FAM83B: variants seen among roughly 807,000 people sequenced by gnomAD.
FAM83B encodes protein FAM83B.
Under a neutral mutation model 38.8 loss-of-function variants are expected in FAM83B, and 26 were observed. The observed-to-expected ratio is 0.67, with a 90% CI of 0.49 to 0.93. The LOEUF (loss-of-function observed/expected upper bound fraction) is 0.93, where lower values mean the gene tolerates loss of function less well. Ranked by LOEUF, FAM83B falls within the 40% of genes least tolerant of loss-of-function variation. FAM83B has a pLI of 0.00. For missense variants in FAM83B, 1,237 were observed against 1,197.3 expected, an observed-to-expected ratio of 1.03 and a Z score of -0.49; for synonymous variants, 419 against 423.1, an observed-to-expected ratio of 0.99 and a Z score of 0.12.
chr6:54,898,802 C>T (rs1292082409), intron 2 of FAM83B, among the ~76,000 whole-genome samples: 1 of 152,036 alleles, frequency 6.6e-6, no homozygotes, highest in Non-Finnish European at 1.5e-5. Flanking sequence ...ATTCGCAGTG[C>T]CACATGCTCT....
At chr6:54,867,026 G>A (rs1039786901) in intron 1 of FAM83B, among the ~76,000 whole-genome samples, 2 of 150,708 alleles carry the variant, frequency 1.3e-5, no homozygotes, top group African/African-American at 2.4e-5. Context: ...TCTGGAATGA[G>A]TCATTTAACT....
At chr6:54,919,260 C>T (rs1363503631) in intron 2 of FAM83B, among the ~76,000 whole-genome samples, 3 of 152,008 alleles carry the variant, frequency 2.0e-5, no homozygotes, top group Admixed American at 2.0e-4. Context: ...TGCCTACTTG[C>T]ACAGAGCTGA....
chr6:54,884,929 C>T (rs1171275071), intron 2 of FAM83B, among the ~76,000 whole-genome samples: 1 of 152,026 alleles, frequency 6.6e-6, no homozygotes, highest in Non-Finnish European at 1.5e-5. Flanking sequence ...CCCGCCACCA[C>T]GCCCGGCTAA....
chr6:54,920,266 AT>A (rs1323672770), intron 2 of FAM83B, among the ~76,000 whole-genome samples: 1 of 151,566 alleles, frequency 6.6e-6, no homozygotes, highest in Non-Finnish European at 1.5e-5. Context: ...TTTATCTGTT[AT>A]TTAATTCTTA....
chr6:54,941,854 A>G lies in FAM83B; in HGVS notation c.2883A>G (p.Pro961=), dbSNP rs1773709548. 6.2e-7 allele frequency: 1 copy of G among 1,613,876 alleles called. No individual in the cohort carries two copies. Residue 961 remains proline, a synonymous_variant, in exon 5 of 5, where the codon CCA becomes CCG. Coordinates refer to ENST00000306858, the MANE Select transcript of FAM83B (RefSeq NM_001010872.3). ...TGCCAAATACCAGTATAAATCGCCC[A>G]GAAATAAAATCTGCGACTATGGGCA... is the stretch of plus-strand genomic sequence containing the variant. ...SNMPNTSINR[P]EIKSATMGNS... is the part of the protein sequence containing the mutation.
intron 2 of FAM83B, among the ~76,000 whole-genome samples, chr6:54,888,270 T>A (rs1314845711): frequency 6.6e-6 from 1 of 151,842 alleles, no homozygotes; most frequent in African/African-American, 2.4e-5. Context: ...CCAAAATATT[T>A]TTATTATTGT....
At chr6:54,865,282 G>C (rs1771672596) in intron 1 of FAM83B, among the ~76,000 whole-genome samples, 1 of 152,090 alleles carries the variant, frequency 6.6e-6, no homozygotes, top group Non-Finnish European at 1.5e-5. Flanking sequence ...TGTTCTTGTA[G>C]GCAATTCTTG....
At chr6:54,894,689 T>A (rs1204304842) in intron 2 of FAM83B, among the ~76,000 whole-genome samples, 2 of 152,156 alleles carry the variant, frequency 1.3e-5, no homozygotes, top group African/African-American at 4.8e-5. Context: ...CTACTTAAGT[T>A]TTTTTGTGTA....
chr6:54,881,245 T>C (rs2127577845), intron 2 of FAM83B, among the ~76,000 whole-genome samples: 1 of 152,304 alleles, frequency 6.6e-6, no homozygotes, highest in South Asian at 2.1e-4. Context: ...CTCCACCCAT[T>C]TCTTACTCAT....
intron 3 of FAM83B, 61 bp from the exon 4 acceptor site, chr6:54,927,447 G>A (rs1329951885): frequency 2.2e-5 from 30 of 1,351,676 alleles, no homozygotes; most frequent in Non-Finnish European, 2.9e-5. Flanking sequence ...TATGGATTTT[G>A]GTTTTCAAAA....
At chr6:54,857,188 G>A (rs1771465013) in intron 1 of FAM83B, among the ~76,000 whole-genome samples, 1 of 152,118 alleles carries the variant, frequency 6.6e-6, no homozygotes, top group South Asian at 2.1e-4. Flanking sequence ...ATGTATTTGG[G>A]AAGCTGTTTT....
intron 1 of FAM83B, among the ~76,000 whole-genome samples, chr6:54,849,845 G>C (rs1771230834): frequency 6.6e-6 from 1 of 151,926 alleles, no homozygotes; most frequent in Non-Finnish European, 1.5e-5. Flanking sequence ...AATTAGTCAT[G>C]GTCAGCCTCT....
chr6:54,916,358 T>C (rs771306886), intron 2 of FAM83B, among the ~76,000 whole-genome samples: 27 of 152,088 alleles, frequency 1.8e-4, no homozygotes, highest in Non-Finnish European at 3.5e-4. Flanking sequence ...AAAAGTTACC[T>C]ACCAAGAGGT....
chr6:54,898,037 TA>T (rs1481625984), intron 2 of FAM83B, among the ~76,000 whole-genome samples: 66 of 152,300 alleles, frequency 4.3e-4, no homozygotes, highest in African/African-American at 1.4e-3. Context: ...CTAATATATT[TA>T]TTTTTTTCTC....
chr6:54,882,409 T>C (rs891323449), intron 2 of FAM83B, among the ~76,000 whole-genome samples: 1 of 152,180 alleles, frequency 6.6e-6, no homozygotes, highest in African/African-American at 2.4e-5. Context: ...TTATTGCCCT[T>C]TTTTTAGAGG....
intron 2 of FAM83B, among the ~76,000 whole-genome samples, chr6:54,902,626 T>TA (rs1416114706): frequency 6.7e-6 from 1 of 149,826 alleles, no homozygotes; most frequent in East Asian, 1.9e-4. Flanking sequence ...TCCATATTTT[T>TA]ATGTTTGTCC....
At chr6:54,908,857 T>TC (rs1772839498) in intron 2 of FAM83B, among the ~76,000 whole-genome samples, 2 of 152,186 alleles carry the variant, frequency 1.3e-5, no homozygotes, top group Non-Finnish European at 2.9e-5. Flanking sequence ...GGTATACCCA[T>TC]TTGTCCTTGA....
At chr6:54,909,615 T>C (rs1415998843) in intron 2 of FAM83B, among the ~76,000 whole-genome samples, 2 of 152,198 alleles carry the variant, frequency 1.3e-5, no homozygotes, top group African/African-American at 2.4e-5. Flanking sequence ...ATAAGTTTTA[T>C]TGAGTTATAT....
chr6:54,903,019 A>T (rs1345166367), intron 2 of FAM83B, among the ~76,000 whole-genome samples: 1 of 152,218 alleles, frequency 6.6e-6, no homozygotes, highest in African/African-American at 2.4e-5. Context: ...CATGTATAAC[A>T]AGAAGATATG....
Sources: gnomAD v4.1 joint callset for allele counts (sites outside exome capture counted in the v4.1 genomes callset) on GRCh38, gnomAD v4.1.1 for gene constraint, MANE v1.5 for transcripts, NCBI Gene and HGNC (gene_info 2026-07-23, HGNC 2026-07-21) for gene names.